The following ISM1 variants were observed in gnomAD, a reference collection of about 807,000 sequenced individuals.
ISM1 encodes isthmin-1.
A neutral mutation model predicts 46.3 loss-of-function variants in ISM1; 25 were observed. That is an observed-to-expected ratio of 0.54 (90% CI 0.39 to 0.75). ISM1 has a LOEUF of 0.75. ISM1 is among the 30% of genes least tolerant of loss of function. The pLI is 0.00. For missense variants in ISM1, 536 were observed against 625.4 expected (o/e 0.86, Z 1.52); for synonymous variants, 255 against 256.7 (o/e 0.99, Z 0.06).
In ISM1 at chr20:13,288,634, C is replaced by T. The variant is rs770574020; in HGVS notation, c.738C>T (p.Tyr246=). 2.5e-6 allele frequency: 4 copies of T among 1,613,792 alleles called. No homozygotes were observed. The highest frequency in any genetic ancestry group is 1.7e-5 in the Admixed American group (1 of 60,002). ...AGAAACGGACCCGGTCTTGTGGCTA[C>T]GCGTGCACTGCAACAGAATCGAGGA... ...GNQKRTRSCG[Y]ACTATESRTC... Residue 246 remains tyrosine (Y), a synonymous_variant, in exon 4 of 6, where the codon TAC becomes TAT. Transcript: ENST00000262487.
At chr20:13,231,687 G>A (rs2039589979) in intron 1 of ISM1, among the ~76,000 whole-genome samples, 2 of 152,170 alleles carry the variant, frequency 1.3e-5, no homozygotes, top group South Asian at 4.1e-4. Flanking sequence ...ATCTTGCACA[G>A]AGCACTCTCT....
Position 13,298,977 on chromosome 20 carries a change from A to C in ISM1, c.913A>C (p.Ser305Arg). 6.2e-7 allele frequency: 1 copy of C among 1,613,622 alleles called. No individual in the cohort carries two copies. The highest frequency in any genetic ancestry group is 8.5e-7 in the Non-Finnish European group (1 of 1,179,780). The change falls in exon 6 of 6, where the codon AGC becomes CGC. Residue 305 changes from serine (S) to arginine (R), a missense_variant. Coordinates refer to ENST00000262487, the MANE Select transcript of ISM1 (RefSeq NM_080826.2). ...DSCERWMSCKSEFLKKYMHKV... is the reference protein window; with the variant it reads ...DSCERWMSCKREFLKKYMHKV... Reference sequence around the variant, plus strand: ...CTGTGAGCGCTGGATGAGCTGCAAAAGCGAGTTCTTAAAGAAGTACATGCA... The same window carrying C: ...CTGTGAGCGCTGGATGAGCTGCAAACGCGAGTTCTTAAAGAAGTACATGCA...
At position 13,239,711 on chromosome 20, in the gene ISM1, C is replaced by G. The variant is rs574081601; in HGVS notation, c.138+17797C>G. ...CTGTTTAGAAGGCAGGTTGCAGACA[C>G]TCACCAAATTCTAGAATGTTGTTGT... On this transcript the variant is annotated intron_variant, in intron 1 of 5. Coordinates refer to ENST00000262487, the MANE Select transcript of ISM1 (RefSeq NM_080826.2). 5.3e-5 allele frequency: 8 copies of G among 152,336 alleles called. 1 individual carries two copies. In the South Asian group the frequency reaches 1.7e-3, roughly 32 times the overall value. 9.4% of individuals were successfully genotyped at this position (152,336 alleles called of 1,614,324 possible).
At chr20:13,235,631 T>G (rs1232362026) in intron 1 of ISM1, among the ~76,000 whole-genome samples, 2 of 152,208 alleles carry the variant, frequency 1.3e-5, no homozygotes, top group African/African-American at 4.8e-5. Context: ...TGGCAGCACA[T>G]GATTCGGCCC....
intron 1 of ISM1, among the ~76,000 whole-genome samples, chr20:13,264,477 C>A (rs2040021805): frequency 6.6e-6 from 1 of 152,188 alleles, no homozygotes; most frequent in African/African-American, 2.4e-5. Context: ...TCACTCATTT[C>A]CATAGCTTTA....
intron 3 of ISM1, among the ~76,000 whole-genome samples, chr20:13,283,049 A>T (rs1568685509): frequency 6.6e-6 from 1 of 151,924 alleles, no homozygotes; most frequent in African/African-American, 2.4e-5. Context: ...TATTTATTTA[A>T]TTTTTTTAAG....
At chr20:13,246,762 T>G (rs1165212049) in intron 1 of ISM1, among the ~76,000 whole-genome samples, 1 of 152,234 alleles carries the variant, frequency 6.6e-6, no homozygotes, top group Admixed American at 6.5e-5. Context: ...TGATTTGGGA[T>G]TCTCCATTCA....
chr20:13,238,054 A>G (rs1268608078), intron 1 of ISM1: 2 of 152,202 alleles, frequency 1.3e-5, no homozygotes, highest in Admixed American at 1.3e-4. Context: ...TCAAAGCTCA[A>G]TTGTAGACAT....
At chr20:13,302,666 C>T (rs1378875976), downstream of ISM1, among the ~76,000 whole-genome samples, 1 of 152,132 alleles carries the variant, frequency 6.6e-6, no homozygotes, top group African/African-American at 2.4e-5. Flanking sequence ...TCGTTGCAGT[C>T]CTTGTAAATA....
At chr20:13,289,033 G>A (rs529114175) in intron 4 of ISM1, among the ~76,000 whole-genome samples, 12 of 152,186 alleles carry the variant, frequency 7.9e-5, no homozygotes, top group Middle Eastern at 3.4e-3. Context: ...TGATCCGCCC[G>A]CCTCAGCCTC....
chr20:13,240,822 G>A (rs1323965653), intron 1 of ISM1, among the ~76,000 whole-genome samples: 1 of 152,154 alleles, frequency 6.6e-6, no homozygotes, highest in Non-Finnish European at 1.5e-5. Flanking sequence ...ATATGCTGTT[G>A]GATTGCATTT....
chr20:13,271,219 G>C (rs1247119042), intron 2 of ISM1, among the ~76,000 whole-genome samples: 1 of 152,142 alleles, frequency 6.6e-6, no homozygotes, highest in Non-Finnish European at 1.5e-5. Context: ...ACTTGCCTTG[G>C]ACACCAGAAA....
At chr20:13,311,195 A>T in the ISM1 span, among the ~76,000 whole-genome samples, 1 of 136,728 alleles carries the variant, frequency 7.3e-6, no homozygotes, top group African/African-American at 2.8e-5. Flanking sequence ...ACTCCATCTC[A>T]AAAAAATAGA....
intron 5 of ISM1, among the ~76,000 whole-genome samples, chr20:13,296,876 G>A (rs1004724887): frequency 3.9e-5 from 6 of 152,038 alleles, no homozygotes; most frequent in Non-Finnish European, 5.9e-5. Flanking sequence ...AAATTAGTCG[G>A]GCAGAGTGGC....
At chr20:13,265,803 A>G (rs2040036648) in intron 1 of ISM1, among the ~76,000 whole-genome samples, 2 of 152,172 alleles carry the variant, frequency 1.3e-5, no homozygotes, top group South Asian at 4.1e-4. Context: ...CTGGTACTGC[A>G]GCATTGTCAA....
chr20:13,288,789 TTC>T, intron 4 of ISM1, 106 bp downstream of exon 4: 1 of 1,218,860 alleles, frequency 8.2e-7, no homozygotes, highest in Non-Finnish European at 1.1e-6. Flanking sequence ...TACTTTTCTT[TTC>T]TTTTTTTTTT....
chr20:13,255,188 AGGT>A (rs1274237081), intron 1 of ISM1, among the ~76,000 whole-genome samples: 1 of 152,206 alleles, frequency 6.6e-6, no homozygotes, highest in Non-Finnish European at 1.5e-5. Flanking sequence ...CTCTCTCTGG[AGGT>A]GACATTTAAG....
intron 1 of ISM1, among the ~76,000 whole-genome samples, chr20:13,265,465 C>A (rs960391870): frequency 7.9e-5 from 12 of 152,112 alleles, no homozygotes; most frequent in Non-Finnish European, 5.9e-5. Context: ...TGTCCAAATT[C>A]TCTGATCTGT....
At chr20:13,283,463 G>T (rs117139003) in intron 3 of ISM1, among the ~76,000 whole-genome samples, 2 of 152,092 alleles carry the variant, frequency 1.3e-5, no homozygotes, top group African/African-American at 2.4e-5. Flanking sequence ...ATATTTGTCC[G>T]CAAGGATTAT....
Sources: allele counts gnomAD v4.1 joint callset (sites outside exome capture counted in the v4.1 genomes callset), GRCh38; gene constraint gnomAD v4.1.1; transcripts MANE v1.5; gene names NCBI Gene and HGNC (gene_info 2026-07-23, HGNC 2026-07-21).